Variants in FNDC3B observed in about 807,000 individuals in gnomAD.
The protein encoded by FNDC3B is fibronectin type III domain containing 3B, also known as fibronectin type III domain-containing protein 3B.
FNDC3B carries 12 observed loss-of-function variants against 151.5 expected under a neutral mutation model. That is an observed-to-expected ratio of 0.08 (90% CI 0.05 to 0.13). FNDC3B has a LOEUF of 0.13. Ranked by LOEUF, FNDC3B falls within the 10% of genes least tolerant of loss-of-function variation. FNDC3B has a pLI of 1.00. For synonymous variants in FNDC3B, 528 were observed against 549.0 expected, an observed-to-expected ratio of 0.96 and a Z score of 0.54; for missense variants, 1,214 against 1,505.3, an observed-to-expected ratio of 0.81 and a Z score of 3.20.
chr3:172,276,821 C>A (rs1000641302), intron 6 of FNDC3B, among the ~76,000 whole-genome samples: 3 of 152,086 alleles, frequency 2.0e-5, no homozygotes, highest in Admixed American at 1.3e-4. Context: ...CCAAAAATGT[C>A]AACTTTATAA....
At position 172,285,909 on chromosome 3, in the gene FNDC3B, T is replaced by C. The variant is rs752966763; in HGVS notation, c.791-17T>C. 3.7e-6 allele frequency: 6 copies of C among 1,609,492 alleles called. No individual in the cohort carries two copies. The highest frequency in any genetic ancestry group is 2.2e-5 in the East Asian group (1 of 44,774). ...TCTAATGGTATTGTTTTTCCTTTTT[T>C]CTTTTTCGCAATGCAGAATATGAGT... On this transcript the variant is annotated splice_polypyrimidine_tract_variant and intron_variant, in intron 6 of 25. Transcript: ENST00000415807.
chr3:172,110,808 C>T (rs746310207), intron 1 of FNDC3B, among the ~76,000 whole-genome samples: 3 of 152,012 alleles, frequency 2.0e-5, no homozygotes, highest in Admixed American at 6.6e-5. Context: ...ATCCAACCTG[C>T]GATTTTGAAG....
At chr3:172,381,551 A>G (rs1222736337) in intron 25 of FNDC3B, among the ~76,000 whole-genome samples, 1 of 151,604 alleles carries the variant, frequency 6.6e-6, no homozygotes, top group African/African-American at 2.4e-5. Context: ...TACATGTGCC[A>G]TGGTAGTTTG....
At chr3:172,127,647 T>G (rs1479443236) in intron 2 of FNDC3B, among the ~76,000 whole-genome samples, 1 of 152,164 alleles carries the variant, frequency 6.6e-6, no homozygotes, top group Non-Finnish European at 1.5e-5. Flanking sequence ...GGATACAGCT[T>G]TTTTTTAAAC....
At chr3:172,366,311 ATTG>A (rs966641798) in intron 23 of FNDC3B, among the ~76,000 whole-genome samples, 6 of 152,174 alleles carry the variant, frequency 3.9e-5, no homozygotes, top group East Asian at 1.9e-4. Context: ...TTGTTTTGTT[ATTG>A]TTGTTGTTGT....
intron 25 of FNDC3B, among the ~76,000 whole-genome samples, chr3:172,391,136 G>A (rs927141379): frequency 4.6e-5 from 7 of 152,154 alleles, no homozygotes; most frequent in African/African-American, 1.7e-4. Context: ...TATTTGCTAA[G>A]AGACTTTAAG....
intron 3 of FNDC3B, among the ~76,000 whole-genome samples, chr3:172,160,568 C>G (rs1288058077): frequency 1.3e-5 from 2 of 152,166 alleles, no homozygotes; most frequent in African/African-American, 4.8e-5. Flanking sequence ...TAGAGTTGCC[C>G]TGGAACAGAG....
chr3:172,237,122 A>G (rs1727209243), intron 4 of FNDC3B, among the ~76,000 whole-genome samples: 1 of 152,212 alleles, frequency 6.6e-6, no homozygotes, highest in Non-Finnish European at 1.5e-5. Context: ...GTGTCTTCTT[A>G]TACTGATCAC....
At chr3:172,287,003 A>G (rs1052988177) in intron 7 of FNDC3B, among the ~76,000 whole-genome samples, 1 of 152,188 alleles carries the variant, frequency 6.6e-6, no homozygotes, top group African/African-American at 2.4e-5. Flanking sequence ...TTCCAGAGAT[A>G]GAATACGGCA....
chr3:172,255,419 C>T (rs1159560388), intron 6 of FNDC3B, among the ~76,000 whole-genome samples: 3 of 152,192 alleles, frequency 2.0e-5, no homozygotes, highest in Non-Finnish European at 4.4e-5. Flanking sequence ...CAGGCGCACA[C>T]CACCATGCTT....
At position 172,282,034 on chromosome 3, in the gene FNDC3B, C is replaced by T. The variant is rs1022433311; in HGVS notation, c.791-3892C>T. 1.3e-5 allele frequency among the ~76,000 whole-genome samples: 2 copies of T among 151,996 alleles called. 1 individual carries two copies. The highest frequency in any genetic ancestry group is 1.3e-4 in the Admixed American group (2 of 15,268). On this transcript the variant is annotated intron_variant, in intron 6 of 25. Coordinates refer to ENST00000415807, the MANE Select transcript of FNDC3B (RefSeq NM_022763.4). ...GAAAGAGTGGTCATTCAGTGTACTTCGAGGCACGCTTAGATCATGCTTAGG... is the reference window on the plus strand; with the variant it reads ...GAAAGAGTGGTCATTCAGTGTACTTTGAGGCACGCTTAGATCATGCTTAGG...
chr3:172,321,378 T>G (rs1732072816), intron 11 of FNDC3B, among the ~76,000 whole-genome samples: 1 of 152,256 alleles, frequency 6.6e-6, no homozygotes, highest in Admixed American at 6.5e-5. Flanking sequence ...CTTTATCGTC[T>G]AGGAGTCTGG....
At chr3:172,118,372 C>T (rs1204157188) in intron 2 of FNDC3B, among the ~76,000 whole-genome samples, 7 of 152,214 alleles carry the variant, frequency 4.6e-5, no homozygotes, top group Non-Finnish European at 4.4e-5. Flanking sequence ...CTGATAGCCA[C>T]GGTGTCGGGG....
intron 25 of FNDC3B, among the ~76,000 whole-genome samples, chr3:172,395,154 A>T (rs1736211215): frequency 6.6e-6 from 1 of 152,210 alleles, no homozygotes; most frequent in Admixed American, 6.5e-5. Context: ...TTAACTCAGT[A>T]CTACTCAGAT....
intron 11 of FNDC3B, among the ~76,000 whole-genome samples, chr3:172,314,453 A>G (rs1731677658): frequency 6.6e-6 from 1 of 152,250 alleles, no homozygotes; most frequent in Non-Finnish European, 1.5e-5. Context: ...TCTGAGAATC[A>G]TGACTTTGAG....
At chr3:172,279,504 TGA>T (rs1235209405) in intron 6 of FNDC3B, among the ~76,000 whole-genome samples, 1 of 152,248 alleles carries the variant, frequency 6.6e-6, no homozygotes, top group Non-Finnish European at 1.5e-5. Context: ...TTTTCGGTGT[TGA>T]GAGTCTGGTA....
chr3:172,060,205 G>A (rs1034095776), intron 1 of FNDC3B, among the ~76,000 whole-genome samples: 4 of 152,148 alleles, frequency 2.6e-5, no homozygotes, highest in African/African-American at 9.7e-5. Context: ...ACTCAGTTTT[G>A]TAGTGAACTT....
intron 6 of FNDC3B, among the ~76,000 whole-genome samples, chr3:172,277,350 T>A (rs1052922135): frequency 5.3e-5 from 8 of 152,164 alleles, no homozygotes; most frequent in Non-Finnish European, 7.4e-5. Flanking sequence ...GCCAGCATAT[T>A]TGGTGTCTGG....
In FNDC3B at chr3:172,189,799, TAAAAAA is replaced by T. The variant is rs60894339; in HGVS notation, c.188-37044_188-37039del. Among the ~76,000 whole-genome samples the T allele has an allele frequency of 1.2e-4, 10 of 84,314 alleles. No homozygotes were observed. The South Asian group carries it at 3.8e-3, about 32-fold the overall frequency. 55.3% of individuals were successfully genotyped at this position (84,314 alleles called of 152,430 possible). A position where few individuals can be genotyped will look rare whatever the true frequency, so the allele number is the denominator to read the frequency against. On this transcript the variant is annotated intron_variant, in intron 3 of 25. Transcript: ENST00000415807. Reference sequence around the variant, plus strand: ...CTGGGTGACAGAGTGAGACCTTGTCTAAAAAAAAAAAAAAAAAAAAAAAAAAAAAAA... The same window carrying T: ...CTGGGTGACAGAGTGAGACCTTGTCTAAAAAAAAAAAAAAAAAAAAAAAAA...
Sources: allele counts gnomAD v4.1 joint callset (sites outside exome capture counted in the v4.1 genomes callset), GRCh38; gene constraint gnomAD v4.1.1; transcripts MANE v1.5; gene names NCBI Gene and HGNC (gene_info 2026-07-23, HGNC 2026-07-21).